Variants in CCDC73 observed in about 807,000 individuals in gnomAD.
CCDC73 encodes the protein coiled-coil domain containing 73.
CCDC73 carries 95 observed loss-of-function variants against 116.5 expected under a neutral mutation model. The observed-to-expected ratio is 0.82, with a 90% CI of 0.69 to 0.97. The LOEUF is 0.97. Ranked by LOEUF, CCDC73 falls within the 50% of genes least tolerant of loss-of-function variation. The pLI is 0.00. For synonymous variants in CCDC73, 398 were observed against 401.3 expected (o/e 0.99, Z 0.10); for missense variants, 1,066 against 1,206.8 (o/e 0.88, Z 1.73).
intron 14 of CCDC73, among the ~76,000 whole-genome samples, chr11:32,619,573 G>A (rs888281858): frequency 6.6e-6 from 1 of 152,038 alleles, no homozygotes; most frequent in Admixed American, 6.6e-5. Flanking sequence ...CTTGGGAAGC[G>A]GGGGCAGGAG....
intron 1 of CCDC73, among the ~76,000 whole-genome samples, chr11:32,791,432 G>A (rs1565102621): frequency 6.6e-6 from 1 of 152,204 alleles, no homozygotes; most frequent in Non-Finnish European, 1.5e-5. Context: ...TCAGAGATAA[G>A]CAGTCCCATT....
At chr11:32,677,993 T>C (rs931211363) in intron 7 of CCDC73, among the ~76,000 whole-genome samples, 20 of 138,062 alleles carry the variant, frequency 1.4e-4, no homozygotes, top group Middle Eastern at 4.7e-3. Flanking sequence ...ACAACCAAAG[T>C]ACAGGCCGAG....
intron 1 of CCDC73, among the ~76,000 whole-genome samples, chr11:32,782,067 G>C (rs774644614): frequency 1.3e-5 from 2 of 152,192 alleles, no homozygotes; most frequent in Non-Finnish European, 1.5e-5. Flanking sequence ...CTGTGCATGA[G>C]AGGGATCTAG....
At position 32,753,677 on chromosome 11, in the gene CCDC73, G is replaced by T. The variant is rs1206079260; in HGVS notation, c.135+6432C>A. 2.0e-5 allele frequency among the ~76,000 whole-genome samples: 3 copies of T among 152,032 alleles called. No homozygotes were observed. The East Asian group carries it at 5.8e-4, about 29-fold the overall frequency. On this transcript the variant is annotated intron_variant, in intron 2 of 17. Transcript: ENST00000335185. ...GATGGGGCTTCACCATGTTGGCCAG[G>T]CTGGTCTCGAACTCCTGACCTCAAG...
chr11:32,785,004 T>C (rs1378525876), intron 1 of CCDC73, among the ~76,000 whole-genome samples: 2 of 152,024 alleles, frequency 1.3e-5, no homozygotes, highest in African/African-American at 4.8e-5. Flanking sequence ...TGAAACCCCA[T>C]CTCTACTAAA....
At chr11:32,713,627 GA>G (rs944847066) in intron 3 of CCDC73, among the ~76,000 whole-genome samples, 1 of 151,998 alleles carries the variant, frequency 6.6e-6, no homozygotes, top group Admixed American at 6.6e-5. Context: ...AGAGTCTGAA[GA>G]AAAAATGTGA....
chr11:32,723,554 G>A (rs889313179), intron 2 of CCDC73, among the ~76,000 whole-genome samples: 2 of 152,142 alleles, frequency 1.3e-5, no homozygotes, highest in East Asian at 1.9e-4. Flanking sequence ...GCTTGGACAC[G>A]TGCCTGGCGT....
the CCDC73 span, among the ~76,000 whole-genome samples, chr11:32,823,111 A>G: frequency 7.9e-5 from 12 of 152,088 alleles, no homozygotes; most frequent in South Asian, 2.5e-3. Flanking sequence ...CTAAAAAAAG[A>G]AAAAGGAAAA....
At chr11:32,726,444 G>A (rs1850030407) in intron 2 of CCDC73, among the ~76,000 whole-genome samples, 1 of 152,020 alleles carries the variant, frequency 6.6e-6, no homozygotes, top group South Asian at 2.1e-4. Context: ...CAGCAGATTA[G>A]ACAACTTGAA....
At chr11:32,749,876 T>TC (rs1850271920) in intron 2 of CCDC73, among the ~76,000 whole-genome samples, 1 of 135,382 alleles carries the variant, frequency 7.4e-6, no homozygotes, top group Non-Finnish European at 1.6e-5. Context: ...TTTTTTTTTT[T>TC]CTTTTTTTTT....
intron 2 of CCDC73, among the ~76,000 whole-genome samples, chr11:32,754,351 C>A (rs1004743055): frequency 6.6e-6 from 1 of 151,974 alleles, no homozygotes; most frequent in African/African-American, 2.4e-5. Context: ...ATGAATTACA[C>A]AGAACTCAGT....
At chr11:32,829,996 G>A in the CCDC73 span, 5 of 985,472 alleles carry the variant, frequency 5.1e-6, no homozygotes, top group South Asian at 1.9e-4. Context: ...GCCCCTCTGC[G>A]AACCCCAGGC....
At chr11:32,815,970 G>T in the CCDC73 span, among the ~76,000 whole-genome samples, 13 of 152,304 alleles carry the variant, frequency 8.5e-5, no homozygotes, top group South Asian at 2.3e-3. Flanking sequence ...TATTTTGGAG[G>T]CAGTGCTAAT....
intron 12 of CCDC73, among the ~76,000 whole-genome samples, chr11:32,643,146 C>A (rs748592919): frequency 8.6e-5 from 13 of 151,708 alleles, no homozygotes; most frequent in Non-Finnish European, 1.9e-4. Flanking sequence ...TTAGAGAATT[C>A]TCAATTACAT....
chr11:32,811,214 A>G, the CCDC73 span, among the ~76,000 whole-genome samples: 2 of 152,148 alleles, frequency 1.3e-5, no homozygotes, highest in Non-Finnish European at 2.9e-5. Flanking sequence ...CCCTGATTAC[A>G]TCTTCTCTCC....
At chr11:32,697,088 G>C (rs973586286) in intron 6 of CCDC73, among the ~76,000 whole-genome samples, 4 of 151,894 alleles carry the variant, frequency 2.6e-5, no homozygotes, top group Admixed American at 2.6e-4. Flanking sequence ...TCCAGTCTCA[G>C]CCTCCCAAAG....
chr11:32,814,747 T>C, the CCDC73 span, among the ~76,000 whole-genome samples: 1 of 152,204 alleles, frequency 6.6e-6, no homozygotes, highest in African/African-American at 2.4e-5. Flanking sequence ...AATGACATTA[T>C]TCATAATAGT....
intron 2 of CCDC73, among the ~76,000 whole-genome samples, chr11:32,748,984 C>T (rs1850264084): frequency 6.6e-6 from 1 of 152,060 alleles, no homozygotes; most frequent in Admixed American, 6.6e-5. Flanking sequence ...TTATCCTTGA[C>T]CTTTGGGAGT....
chr11:32,698,011 A>ATTTTTTTTTTTT (rs869153507), intron 6 of CCDC73, among the ~76,000 whole-genome samples: 1 of 18,864 alleles, frequency 5.3e-5, no homozygotes, highest in African/African-American at 1.9e-4. Context: ...CTAACACTGA[A>ATTTTTTTTTTTT]TTTTTTTTTT....
Sources: gnomAD v4.1 joint callset for allele counts (sites outside exome capture counted in the v4.1 genomes callset) on GRCh38, gnomAD v4.1.1 for gene constraint, MANE v1.5 for transcripts, NCBI Gene and HGNC (gene_info 2026-07-23, HGNC 2026-07-21) for gene names.